Variants in NBPF12 observed in about 807,000 individuals in gnomAD.
The protein encoded by NBPF12 is NBPF member 12, also known as NBPF family member NBPF12.
In NBPF12, 115 loss-of-function variants were observed where a neutral mutation model predicts 146.4. The observed-to-expected ratio is 0.79, with a 90% confidence interval of 0.68 to 0.92. The LOEUF is 0.92. Ranked by LOEUF, NBPF12 falls within the 40% of genes least tolerant of loss-of-function variation. The pLI, the probability that NBPF12 is intolerant of heterozygous loss-of-function variation, is 0.00. For missense variants in NBPF12, 1,205 were observed against 1,326.8 expected, an observed-to-expected ratio of 0.91 and a Z score of 1.43; for synonymous variants, 385 against 508.9, an observed-to-expected ratio of 0.76 and a Z score of 3.28.
chr1:146,971,096 C>T lies in NBPF12; in HGVS notation c.1380-87C>T. ...GCTTTCTGGGACCACTCTCTTAATG[C>T]CGCTTGTCAAAACCAGCTAGGACTC... On this transcript the variant is annotated intron_variant, in intron 12 of 33. Coordinates refer to ENST00000617844, the Ensembl canonical transcript of NBPF12. 12 of 1,598,120 alleles carry T rather than the reference C, an allele frequency of 7.5e-6. No homozygotes were observed. The South Asian group carries it at 1.2e-4, about 16-fold the overall frequency.
chr1:146,971,649 T>G (rs1553886484), intron 13 of NBPF12, among the ~76,000 whole-genome samples: 14 of 149,670 alleles, frequency 9.4e-5, no homozygotes, highest in African/African-American at 2.5e-4. Context: ...AATTAGGCAG[T>G]CATGGTGCTG....
intron 1 of NBPF12, among the ~76,000 whole-genome samples, 198 bp from the exon 2 acceptor site, chr1:146,943,093 G>A (rs1654878595): frequency 6.8e-6 from 1 of 148,066 alleles, no homozygotes; most frequent in Non-Finnish European, 1.5e-5. Flanking sequence ...TTCAGAGATG[G>A]GGTCTTACTA....
intron 5 of NBPF12, among the ~76,000 whole-genome samples, chr1:146,962,697 G>A (rs1268513182): frequency 2.4e-4 from 36 of 147,416 alleles, no homozygotes; most frequent in East Asian, 2.4e-3. Flanking sequence ...TTTTCAATTC[G>A]CCCCATCTGC....
At chr1:146,953,876 G>A (rs1655435564) in intron 2 of NBPF12, among the ~76,000 whole-genome samples, 1 of 151,932 alleles carries the variant, frequency 6.6e-6, no homozygotes, top group East Asian at 1.9e-4. Flanking sequence ...TGAAAGAATT[G>A]AAGCTGTCTT....
At chr1:146,941,225 C>T (rs1466586882) in intron 1 of NBPF12, among the ~76,000 whole-genome samples, 92 of 151,348 alleles carry the variant, frequency 6.1e-4, no homozygotes, top group African/African-American at 1.8e-3. Context: ...CTGGGACCTA[C>T]AGGAGACCAC....
upstream of NBPF12, among the ~76,000 whole-genome samples, chr1:146,938,570 CCGAACCCG>C (rs1654637121): frequency 6.6e-6 from 1 of 152,010 alleles, no homozygotes; most frequent in African/African-American, 2.4e-5. Context: ...CGCCCGCGGC[CCGAACCCG>C]TTGTGCGGTA....
chr1:146,963,230 G>T, exon 6 of NBPF12: 1 of 1,611,772 alleles, frequency 6.2e-7, no homozygotes, highest in Non-Finnish European at 8.5e-7. Flanking sequence ...AGCCGGACAA[G>T]TCCCAGGGGC....
intron 27 of NBPF12, among the ~76,000 whole-genome samples, chr1:146,989,241 TCA>T (rs1657988813): frequency 7.1e-6 from 1 of 140,630 alleles, no homozygotes; most frequent in South Asian, 2.2e-4. Flanking sequence ...CTTTTCATGA[TCA>T]CAGTTTGCTG....
At chr1:146,961,403 A>G (rs1331259343) in intron 4 of NBPF12, among the ~76,000 whole-genome samples, 4 of 151,584 alleles carry the variant, frequency 2.6e-5, no homozygotes, top group Non-Finnish European at 5.9e-5. Flanking sequence ...CTACAATAAT[A>G]CCTACCTCTG....
intron 19 of NBPF12, among the ~76,000 whole-genome samples, chr1:146,981,115 C>T (rs1418558761): frequency 2.5e-5 from 3 of 118,250 alleles, no homozygotes; most frequent in African/African-American, 3.3e-5. Context: ...GAACATCACA[C>T]ACTGGGGCCT....
chr1:146,978,222 T>C (rs1302175762), intron 18 of NBPF12, among the ~76,000 whole-genome samples: 3 of 148,812 alleles, frequency 2.0e-5, no homozygotes, highest in African/African-American at 7.4e-5. Flanking sequence ...ACCCTGTCAA[T>C]GCAATGGCTG....
upstream of NBPF12, among the ~76,000 whole-genome samples, chr1:146,946,028 A>G (rs1181284465): frequency 6.0e-3 from 909 of 151,964 alleles, 18 homozygotes; most frequent in African/African-American, 0.021. Flanking sequence ...AATGTCCTAG[A>G]GTTGGAATTA....
At chr1:146,950,663 A>G (rs1205877781) in intron 1 of NBPF12, among the ~76,000 whole-genome samples, 1 of 152,110 alleles carries the variant, frequency 6.6e-6, no homozygotes, top group Non-Finnish European at 1.5e-5. Context: ...TGTTTTTGAG[A>G]TTCATCCATG....
rs1238691645 is a variant in NBPF12 at position 146,951,235 on chromosome 1, G to C, written c.-325-113G>C. The stretch of plus-strand genomic sequence containing the variant: ...GTATGAGCTTCTCTCAGGCCACACA[G>C]GGCACTCAAGTGAACAGGGCATGGG... On this transcript the variant is annotated intron_variant, in intron 1 of 33. Coordinates refer to ENST00000617844, the Ensembl canonical transcript of NBPF12. 1.1e-5 allele frequency: 7 copies of C among 657,012 alleles called. No homozygotes were observed. The African/African-American group carries it at 1.1e-4, about 10-fold the overall frequency. The allele number at this position is 657,012 out of a possible 1,614,324, so 40.7% of individuals were successfully genotyped here.
Position 146,963,043 on chromosome 1 carries a change from C to T in NBPF12, c.279-52C>T, listed in dbSNP as rs1462893991. On this transcript the variant is annotated intron_variant, in intron 5 of 33. Coordinates refer to ENST00000617844, the Ensembl canonical transcript of NBPF12. ...AGAAATCTCTGTTGCAATATTTGAA[C>T]GGATCACTCAACGCTTTTCACTGTT... is the stretch of plus-strand genomic sequence containing the variant. 7.2e-5 allele frequency: 116 copies of T among 1,607,308 alleles called. 2 individuals carry two copies. Among genetic ancestry groups the T allele is most frequent in the African/African-American group, 1.6e-4 (12 of 74,436 alleles).
Position 146,984,798 on chromosome 1 carries a change from T to A in NBPF12, c.2667-15T>A. The A allele has an allele frequency of 3.6e-6, 5 of 1,395,110 alleles. No homozygotes were observed. Among genetic ancestry groups the A allele is most frequent in the South Asian group, 2.3e-5 (2 of 86,914 alleles). The allele number at this position is 1,395,110 out of a possible 1,614,324, so 86.4% of individuals were successfully genotyped here. ...TTCCCCCTGGCTTATTCTTTACTTT[T>A]TCCCACTTTTCCAGGCTCAGCAGGG... On this transcript the variant is annotated splice_polypyrimidine_tract_variant and intron_variant, in intron 21 of 33. Transcript: ENST00000617844.
chr1:146,951,895 T>A (rs1655339376), intron 2 of NBPF12: 3 of 183,098 alleles, frequency 1.6e-5, no homozygotes, highest in Admixed American at 1.6e-4. Context: ...CAAGAGTGTC[T>A]TATCTGAAAT....
intron 1 of NBPF12, among the ~76,000 whole-genome samples, chr1:146,939,579 C>T (rs1376585873): frequency 5.3e-5 from 8 of 151,974 alleles, no homozygotes; most frequent in East Asian, 1.9e-4. Context: ...GTTTGCAGTC[C>T]AAAGAGTTGC....
intron 1 of NBPF12, among the ~76,000 whole-genome samples, chr1:146,943,060 C>T (rs1164980968): frequency 9.9e-5 from 14 of 141,826 alleles, no homozygotes; most frequent in African/African-American, 1.8e-4. Flanking sequence ...CCACCATGCT[C>T]GGCTAATTTC....
Sources: gnomAD v4.1 joint callset for allele counts (sites outside exome capture counted in the v4.1 genomes callset) on GRCh38, gnomAD v4.1.1 for gene constraint, MANE v1.5 for transcripts, NCBI Gene and HGNC (gene_info 2026-07-23, HGNC 2026-07-21) for gene names.